The following CCDC192 variants were observed in gnomAD, a reference collection of about 807,000 sequenced individuals.
CCDC192 encodes the protein coiled-coil domain-containing protein 192.
chr5:127,848,531 A>G (rs1016598416), intron 5 of CCDC192, among the ~76,000 whole-genome samples: 1 of 152,202 alleles, frequency 6.6e-6, no homozygotes, highest in Non-Finnish European at 1.5e-5. Flanking sequence ...CTCAGGCCGG[A>G]TAACTCTTCA....
intron 6 of CCDC192, among the ~76,000 whole-genome samples, chr5:127,928,374 C>T (rs1203046355): frequency 6.6e-6 from 1 of 152,206 alleles, no homozygotes; most frequent in African/African-American, 2.4e-5. Flanking sequence ...CACTTACATT[C>T]CTTGGCTTGT....
chr5:127,787,961 A>G (rs1385767939), intron 3 of CCDC192, among the ~76,000 whole-genome samples: 1 of 152,048 alleles, frequency 6.6e-6, no homozygotes, highest in Admixed American at 6.6e-5. Context: ...GCATGCCTGT[A>G]ATCCCAGCTA....
chr5:127,831,528 T>TG (rs1360229416), intron 5 of CCDC192, among the ~76,000 whole-genome samples: 23 of 152,312 alleles, frequency 1.5e-4, no homozygotes, highest in African/African-American at 4.6e-4. Context: ...TGTGTGTGTG[T>TG]TTTTTAAGTA....
intron 3 of CCDC192, among the ~76,000 whole-genome samples, chr5:127,777,373 A>G (rs1367887372): frequency 2.0e-5 from 3 of 152,128 alleles, no homozygotes; most frequent in Non-Finnish European, 4.4e-5. Context: ...GAATGGGTGT[A>G]TTTATCGAAT....
intron 6 of CCDC192, among the ~76,000 whole-genome samples, chr5:127,923,909 A>G (rs1237258732): frequency 6.6e-6 from 1 of 152,224 alleles, no homozygotes; most frequent in African/African-American, 2.4e-5. Context: ...AGGAGAAACA[A>G]AAGAATCCCA....
intron 3 of CCDC192, among the ~76,000 whole-genome samples, chr5:127,788,138 A>G (rs1264934206): frequency 6.6e-6 from 1 of 151,302 alleles, no homozygotes; most frequent in African/African-American, 2.4e-5. Context: ...CTATTCTCAC[A>G]AAAGTGTCTA....
chr5:127,734,120 C>T lies in CCDC192; in HGVS notation c.115-20148C>T, dbSNP rs564218393. Among the ~76,000 whole-genome samples, 20 of 137,040 alleles carry T rather than the reference C, an allele frequency of 1.5e-4. No individual in the cohort carries two copies. The East Asian group carries it at 4.1e-3, about 28-fold the overall frequency. The allele number at this position is 137,040 out of a possible 152,430, so 89.9% of individuals were successfully genotyped here. On this transcript the variant is annotated intron_variant, in intron 2 of 6. Coordinates refer to ENST00000514853, the MANE Select transcript of CCDC192 (RefSeq NM_001317938.2). Reference sequence around the variant, plus strand: ...GTCCCCAGAGTGTGATATTCCCCTTCCTGTGTCCATGTGATCTCATTGTTC... The same window carrying T: ...GTCCCCAGAGTGTGATATTCCCCTTTCTGTGTCCATGTGATCTCATTGTTC...
rs1752336478 is a variant in CCDC192, at chr5:127,881,133, C to A, written c.535+5472C>A. 1.3e-5 allele frequency among the ~76,000 whole-genome samples: 2 copies of A among 152,182 alleles called. 1 individual carries two copies. The highest frequency in any genetic ancestry group is 6.8e-3 in the Middle Eastern group (2 of 294). On this transcript the variant is annotated intron_variant, in intron 6 of 6. Coordinates refer to ENST00000514853, the MANE Select transcript of CCDC192 (RefSeq NM_001317938.2). The stretch of plus-strand genomic sequence containing the variant: ...AAATCTCCAGTGGTATAATTTCAGA[C>A]CCCATAATAAATATTTCAGACCCCA...
intron 5 of CCDC192, among the ~76,000 whole-genome samples, chr5:127,842,405 A>G (rs1750330038): frequency 6.6e-6 from 1 of 152,096 alleles, no homozygotes; most frequent in South Asian, 2.1e-4. Flanking sequence ...GTTTGTAAAG[A>G]TGTGGTCTTG....
At chr5:127,859,849 A>C (rs1751281636) in intron 5 of CCDC192, among the ~76,000 whole-genome samples, 1 of 152,294 alleles carries the variant, frequency 6.6e-6, no homozygotes, top group South Asian at 2.1e-4. Flanking sequence ...GGTTTTACAC[A>C]TATGTATTTC....
intron 2 of CCDC192, among the ~76,000 whole-genome samples, chr5:127,748,652 T>C (rs1753932283): frequency 7.1e-6 from 1 of 140,340 alleles, no homozygotes; most frequent in Non-Finnish European, 1.6e-5. Context: ...AAGAAAGGCA[T>C]TGGTAGGTTG....
At chr5:127,930,685 G>A (rs1183936564) in intron 6 of CCDC192, among the ~76,000 whole-genome samples, 1 of 152,218 alleles carries the variant, frequency 6.6e-6, no homozygotes, top group Non-Finnish European at 1.5e-5. Context: ...CTGAGACCCT[G>A]CAGTGGGTGG....
intron 2 of CCDC192, among the ~76,000 whole-genome samples, chr5:127,709,490 T>C (rs894469063): frequency 3.3e-5 from 5 of 152,206 alleles, no homozygotes; most frequent in East Asian, 1.9e-4. Flanking sequence ...TTGTGAGTGA[T>C]ATATCTAGAA....
chr5:127,889,169 A>G (rs7723737), intron 6 of CCDC192, among the ~76,000 whole-genome samples: 2,679 of 152,246 alleles, frequency 0.018, 68 homozygotes, highest in African/African-American at 0.06. Context: ...TTCCTTTTTC[A>G]TGAGCACATG....
At chr5:127,913,347 T>G (rs1238452166) in intron 6 of CCDC192, among the ~76,000 whole-genome samples, 1 of 152,246 alleles carries the variant, frequency 6.6e-6, no homozygotes, top group African/African-American at 2.4e-5. Flanking sequence ...TTGTTCAGAT[T>G]ACCATCTGTG....
chr5:127,755,983 A>G (rs1754560898), intron 3 of CCDC192, among the ~76,000 whole-genome samples: 1 of 152,080 alleles, frequency 6.6e-6, no homozygotes, highest in African/African-American at 2.4e-5. Flanking sequence ...GTACAAAAAA[A>G]TTAGCCCAGC....
In CCDC192 at chr5:127,730,430, T is replaced by G. The variant is rs1243953599; in HGVS notation, c.114+22670T>G. On this transcript the variant is annotated intron_variant, in intron 2 of 6. Coordinates refer to ENST00000514853, the MANE Select transcript of CCDC192 (RefSeq NM_001317938.2). Reference sequence around the variant, plus strand: ...AGGACCAGACAGTTTTATAGCTAAATTCTACCAGAGGTACAAAAAGGAGCT... The same window carrying G: ...AGGACCAGACAGTTTTATAGCTAAAGTCTACCAGAGGTACAAAAAGGAGCT... 1.3e-5 allele frequency among the ~76,000 whole-genome samples: 2 copies of G among 152,166 alleles called. 1 individual carries two copies. Among genetic ancestry groups the G allele is most frequent in the Non-Finnish European group, 2.9e-5 (2 of 68,014 alleles).
chr5:127,797,854 A>G (rs553938411), intron 4 of CCDC192, among the ~76,000 whole-genome samples: 2 of 149,786 alleles, frequency 1.3e-5, no homozygotes, highest in Non-Finnish European at 3.0e-5. Flanking sequence ...TAGCACATCA[A>G]GCTAACATTA....
chr5:127,916,785 T>G (rs1440330016), intron 6 of CCDC192, among the ~76,000 whole-genome samples: 1 of 152,246 alleles, frequency 6.6e-6, no homozygotes, highest in Non-Finnish European at 1.5e-5. Flanking sequence ...TTTTTCCATT[T>G]CTAGAGCACA....
Sources: gnomAD v4.1 joint callset for allele counts (sites outside exome capture counted in the v4.1 genomes callset) on GRCh38, gnomAD v4.1.1 for gene constraint, MANE v1.5 for transcripts, NCBI Gene and HGNC (gene_info 2026-07-23, HGNC 2026-07-21) for gene names.